RGS6: variants seen among roughly 807,000 people sequenced by gnomAD.
RGS6 encodes the protein regulator of G protein signaling 6.
A neutral mutation model predicts 78.5 loss-of-function variants in RGS6; 30 were observed. That is an observed-to-expected ratio of 0.38 (90% CI 0.29 to 0.52). The LOEUF is 0.52. Ranked by LOEUF, RGS6 falls within the 20% of genes least tolerant of loss-of-function variation. The pLI is 0.85. For synonymous variants in RGS6, 206 were observed against 206.0 expected (o/e 1.00, Z 0.00); for missense variants, 495 against 609.7 (o/e 0.81, Z 1.98).
chr14:72,048,272 A>G (rs1485098131), intron 2 of RGS6, among the ~76,000 whole-genome samples: 2 of 152,184 alleles, frequency 1.3e-5, no homozygotes, highest in African/African-American at 2.4e-5. Context: ...CTTCAGAACC[A>G]TAAATGTTTT....
At chr14:72,173,302 T>C (rs533101687) in intron 2 of RGS6, among the ~76,000 whole-genome samples, 1 of 152,052 alleles carries the variant, frequency 6.6e-6, no homozygotes, top group Non-Finnish European at 1.5e-5. Context: ...ATGTCAGTAG[T>C]GCCAAAGTGG....
intron 2 of RGS6, among the ~76,000 whole-genome samples, chr14:72,161,353 C>T (rs2096850166): frequency 6.6e-6 from 1 of 152,084 alleles, no homozygotes; most frequent in Non-Finnish European, 1.5e-5. Flanking sequence ...CCTGCATGTT[C>T]TGCACATGTA....
At chr14:72,116,737 G>A (rs2095895989) in intron 2 of RGS6, among the ~76,000 whole-genome samples, 1 of 151,958 alleles carries the variant, frequency 6.6e-6, no homozygotes, top group Admixed American at 6.6e-5. Context: ...GCCGAGGCAG[G>A]CAGATCACTT....
intron 2 of RGS6, among the ~76,000 whole-genome samples, chr14:71,996,019 T>A (rs879793297): frequency 6.6e-6 from 1 of 152,296 alleles, no homozygotes; most frequent in Non-Finnish European, 1.5e-5. Flanking sequence ...TCCCGAGGCC[T>A]TCCGAGTCAC....
intron 2 of RGS6, among the ~76,000 whole-genome samples, chr14:72,123,365 A>G (rs2096106120): frequency 6.6e-6 from 1 of 152,248 alleles, no homozygotes. Flanking sequence ...GAAAGGCAAG[A>G]TTTGATGAAG....
intron 2 of RGS6, among the ~76,000 whole-genome samples, chr14:72,183,088 G>C (rs2097195602): frequency 6.6e-6 from 1 of 152,182 alleles, no homozygotes; most frequent in Non-Finnish European, 1.5e-5. Context: ...ATTCTTCCTG[G>C]CTTTCAGATG....
intron 2 of RGS6, among the ~76,000 whole-genome samples, chr14:72,051,403 C>T (rs1285386099): frequency 2.0e-5 from 3 of 151,204 alleles, no homozygotes; most frequent in Middle Eastern, 3.4e-3. Context: ...TGGTTCTTTA[C>T]GTATGGAAAA....
intron 13 of RGS6, 121 bp from the exon 14 acceptor site, chr14:72,510,033 A>T: frequency 8.6e-7 from 1 of 1,157,750 alleles, no homozygotes; most frequent in Non-Finnish European, 1.2e-6. Context: ...TCTGCCCCTT[A>T]AATATGAGAT....
intron 3 of RGS6, among the ~76,000 whole-genome samples, chr14:72,354,341 G>A (rs2152749902): frequency 6.6e-6 from 1 of 151,950 alleles, no homozygotes; most frequent in Middle Eastern, 3.4e-3. Flanking sequence ...AAGCTAGATA[G>A]GGGGCCGGGT....
intron 2 of RGS6, among the ~76,000 whole-genome samples, chr14:72,292,954 G>A (rs1387221820): frequency 2.0e-5 from 3 of 152,206 alleles, no homozygotes; most frequent in African/African-American, 7.2e-5. Context: ...GATCTCACAT[G>A]TGAGGCTCTT....
the RGS6 span, among the ~76,000 whole-genome samples, chr14:71,872,799 C>A: frequency 6.6e-6 from 1 of 152,132 alleles, no homozygotes; most frequent in Non-Finnish European, 1.5e-5. Flanking sequence ...TCCCATTCCC[C>A]ATCCCACGAC....
rs994548413 is a variant in RGS6, at chr14:72,460,821, C to A, written c.394+1138C>A. ...TGCAGCTGGGTGGTGATCAGGGGAG[C>A]CTGTCTGGGAGACCCATGGGATAAG... On this transcript the variant is annotated intron_variant, in intron 6 of 17. Transcript: ENST00000553525. Among the ~76,000 whole-genome samples, 4 of 151,974 alleles carry A rather than the reference C, an allele frequency of 2.6e-5. No individual in the cohort carries two copies. The South Asian group carries it at 6.2e-4, about 24-fold the overall frequency.
chr14:72,366,285 C>T (rs79124189), intron 3 of RGS6, among the ~76,000 whole-genome samples: 3,209 of 152,144 alleles, frequency 0.021, 53 homozygotes, highest in African/African-American at 0.048. Flanking sequence ...TGTTGGTTCA[C>T]CTGTGGGTTC....
intron 2 of RGS6, among the ~76,000 whole-genome samples, chr14:72,343,988 C>G (rs376868551): frequency 1.3e-5 from 2 of 152,190 alleles, no homozygotes; most frequent in Admixed American, 6.5e-5. Context: ...GTCAGAGATT[C>G]CTCAGTCCAG....
intron 15 of RGS6, among the ~76,000 whole-genome samples, chr14:72,533,975 C>T (rs764835511): frequency 5.3e-5 from 8 of 152,280 alleles, no homozygotes; most frequent in Non-Finnish European, 1.2e-4. Context: ...CAGGATTTGA[C>T]GGGATTGACT....
chr14:72,530,034 A>G (rs1232868367), intron 15 of RGS6, among the ~76,000 whole-genome samples: 1 of 152,172 alleles, frequency 6.6e-6, no homozygotes, highest in African/African-American at 2.4e-5. Context: ...ATCCTGCTCT[A>G]TTTTGATTGA....
intron 3 of RGS6, among the ~76,000 whole-genome samples, chr14:72,433,758 C>T (rs938699543): frequency 2.6e-5 from 4 of 152,078 alleles, no homozygotes; most frequent in Non-Finnish European, 5.9e-5. Flanking sequence ...AGCTCTTTGC[C>T]ACTTACTACA....
the RGS6 span, among the ~76,000 whole-genome samples, chr14:71,881,150 T>G: frequency 9.9e-5 from 15 of 152,204 alleles, no homozygotes; most frequent in Admixed American, 6.5e-4. Flanking sequence ...TTTATTCCAT[T>G]TGGAATGGGT....
In RGS6 at chr14:72,484,931, ATTTT is replaced by A. The variant is rs550497245; in HGVS notation, c.854+6621_854+6624del. Among the ~76,000 whole-genome samples the A allele has an allele frequency of 4.4e-3, 521 of 117,950 alleles. 3 individuals are homozygous for A. Among genetic ancestry groups the A allele is most frequent in the African/African-American group, 0.013 (409 of 30,424 alleles). 77.4% of individuals were successfully genotyped at this position (117,950 alleles called of 152,430 possible). Reference sequence around the variant, plus strand: ...TGTACCCCTGGTAGCCATCTGGTAGATTTTTTTTTTTTTTTTTTTTTTGCCATTA... The same window carrying A: ...TGTACCCCTGGTAGCCATCTGGTAGATTTTTTTTTTTTTTTTTTGCCATTA... On this transcript the variant is annotated intron_variant, in intron 12 of 17. Transcript: ENST00000553525.
Sources: allele counts gnomAD v4.1 joint callset (sites outside exome capture counted in the v4.1 genomes callset), GRCh38; gene constraint gnomAD v4.1.1; transcripts MANE v1.5; gene names NCBI Gene and HGNC (gene_info 2026-07-23, HGNC 2026-07-21).